Variants in CHURC1 observed in about 807,000 individuals in gnomAD.
The protein encoded by CHURC1 is protein Churchill.
Under a neutral mutation model 15.4 loss-of-function variants are expected in CHURC1, and 12 were observed. The ratio of observed to expected loss-of-function variants is 0.78; its 90% CI spans 0.50 to 1.27. The LOEUF (loss-of-function observed/expected upper bound fraction) is 1.27, where lower values mean the gene tolerates loss of function less well. Ranked by LOEUF, CHURC1 falls within the 50% of genes most tolerant of loss-of-function variation. The pLI is 0.00. For synonymous variants in CHURC1, 42 were observed against 47.5 expected, an observed-to-expected ratio of 0.88 and a Z score of 0.48; for missense variants, 132 against 137.8, an observed-to-expected ratio of 0.96 and a Z score of 0.21.
At chr14:64,915,332 C>T (rs1883801975) in intron 1 of CHURC1, among the ~76,000 whole-genome samples, 1 of 152,194 alleles carries the variant, frequency 6.6e-6, no homozygotes, top group Non-Finnish European at 1.5e-5. Context: ...TTAAAAGGCA[C>T]CTTTGGTGCT....
chr14:64,927,342 T>G (rs951021143), intron 3 of CHURC1, among the ~76,000 whole-genome samples: 3 of 152,070 alleles, frequency 2.0e-5, no homozygotes, highest in African/African-American at 7.2e-5. Flanking sequence ...AGTGAATGAG[T>G]AGTGGCCGCA....
intron 1 of CHURC1, among the ~76,000 whole-genome samples, chr14:64,916,436 T>C (rs558389326): frequency 2.0e-4 from 31 of 152,368 alleles, no homozygotes; most frequent in African/African-American, 7.5e-4. Flanking sequence ...TTATGTTTCA[T>C]GTACTTTACT....
chr14:64,924,355 A>AT (rs1187663169), intron 2 of CHURC1: 26 of 364,952 alleles, frequency 7.1e-5, no homozygotes, highest in South Asian at 3.3e-4. Context: ...CAGGAACTGA[A>AT]TTTTTTTTGT....
At chr14:64,921,260 T>G (rs1884277943) in intron 1 of CHURC1, among the ~76,000 whole-genome samples, 1 of 152,120 alleles carries the variant, frequency 6.6e-6, no homozygotes, top group South Asian at 2.1e-4. Context: ...GAAAAAAATG[T>G]AAGAAACTTT....
chr14:64,925,544 C>G (rs965786386), intron 2 of CHURC1, among the ~76,000 whole-genome samples: 1 of 151,750 alleles, frequency 6.6e-6, no homozygotes, highest in African/African-American at 2.4e-5. Flanking sequence ...TGTGTTGGCA[C>G]ATGTCTTGAG....
At chr14:64,925,296 C>T (rs996582457) in intron 2 of CHURC1, among the ~76,000 whole-genome samples, 7 of 152,186 alleles carry the variant, frequency 4.6e-5, no homozygotes, top group Non-Finnish European at 1.0e-4. Flanking sequence ...CACTTTAATG[C>T]CCAGCTTTGG....
intron 3 of CHURC1, among the ~76,000 whole-genome samples, chr14:64,928,728 T>C (rs983960470): frequency 2.6e-5 from 4 of 152,156 alleles, no homozygotes; most frequent in African/African-American, 9.7e-5. Context: ...CTAGTTTTAT[T>C]AACTATTGTT....
intron 1 of CHURC1, among the ~76,000 whole-genome samples, chr14:64,918,979 G>A (rs949157196): frequency 6.6e-6 from 1 of 152,230 alleles, no homozygotes; most frequent in Non-Finnish European, 1.5e-5. Flanking sequence ...ATATAGTACT[G>A]AATTCTTAAT....
chr14:64,928,245 T>G (rs1192151533), intron 3 of CHURC1, among the ~76,000 whole-genome samples: 3 of 152,164 alleles, frequency 2.0e-5, no homozygotes, highest in African/African-American at 7.2e-5. Context: ...CTTCTTTAGT[T>G]GAACAGGTTG....
chr14:64,932,329 A>C lies in CHURC1; in HGVS notation c.*99A>C, dbSNP rs576052949. ...TTCATTCATACTGAAAATTCTTTGCATATTTTTTTTCTGCTTAGACTTACT... is the reference window on the plus strand; with the variant it reads ...TTCATTCATACTGAAAATTCTTTGCCTATTTTTTTTCTGCTTAGACTTACT... On this transcript the variant is annotated 3_prime_UTR_variant, in exon 4 of 4. Coordinates refer to ENST00000549115, the MANE Select transcript of CHURC1 (RefSeq NM_001386928.1). 316 of 1,530,370 alleles carry C rather than the reference A, an allele frequency of 2.1e-4. 1 individual carries two copies. The African/African-American group carries it at 3.8e-3, about 19-fold the overall frequency. The allele number at this position is 1,530,370 out of a possible 1,614,324, so 94.8% of individuals were successfully genotyped here.
chr14:64,926,239 G>A (rs2147614), intron 3 of CHURC1, among the ~76,000 whole-genome samples, 159 bp downstream of exon 3: 158 of 130,436 alleles, frequency 1.2e-3, no homozygotes, highest in African/African-American at 4.5e-3. Flanking sequence ...TTGAGATGGT[G>A]TCTTGCTATG....
chr14:64,917,854 T>G (rs949760003), intron 1 of CHURC1, among the ~76,000 whole-genome samples: 2 of 152,180 alleles, frequency 1.3e-5, no homozygotes, highest in African/African-American at 2.4e-5. Flanking sequence ...ATTACAGAAA[T>G]TGGAGGCATA....
rs1262018912 is a variant in CHURC1, at chr14:64,935,126, T to C, written c.*2896T>C. 7.8e-6 allele frequency: 3 copies of C among 383,294 alleles called. No homozygotes were observed. Among genetic ancestry groups the C allele is most frequent in the African/African-American group, 2.2e-5 (1 of 45,148 alleles). 23.7% of individuals were successfully genotyped at this position (383,294 alleles called of 1,614,324 possible). A position where few individuals can be genotyped will look rare whatever the true frequency, so the allele number is the denominator to read the frequency against. On this transcript the variant is annotated 3_prime_UTR_variant, in exon 4 of 4. Transcript: ENST00000549115. ...ACATGTTCTCACTCATAGATAGGAA[T>C]TGAACAATGAGAACACATGGAGACA... is the stretch of plus-strand genomic sequence containing the variant.
chr14:64,920,326 A>G (rs947230451), intron 1 of CHURC1, among the ~76,000 whole-genome samples: 1 of 152,134 alleles, frequency 6.6e-6, no homozygotes, highest in South Asian at 2.1e-4. Context: ...TTAAGCTGTT[A>G]TGGTCTACTG....
In CHURC1 at chr14:64,932,541, C is replaced by G. The variant is rs1239546738; in HGVS notation, c.*311C>G. 6.6e-6 allele frequency: 6 copies of G among 912,646 alleles called. No homozygotes were observed. The East Asian group carries it at 2.2e-4, about 34-fold the overall frequency. 56.5% of individuals were successfully genotyped at this position (912,646 alleles called of 1,614,324 possible). A position where few individuals can be genotyped will look rare whatever the true frequency, so the allele number is the denominator to read the frequency against. On this transcript the variant is annotated 3_prime_UTR_variant, in exon 4 of 4. Transcript: ENST00000549115. ...GATTTTGGTTTCCAATAAAAGGAAC[C>G]AGGACTCCTTAGAAAATGAACTGAT...
chr14:64,934,295 C>A lies in CHURC1; in HGVS notation c.*2065C>A. 1 of 460,380 alleles carries A rather than the reference C, an allele frequency of 2.2e-6. No individual in the cohort carries two copies. Among genetic ancestry groups the A allele is most frequent in the Non-Finnish European group, 2.9e-6 (1 of 350,286 alleles). 28.5% of individuals were successfully genotyped at this position (460,380 alleles called of 1,614,324 possible). A position where few individuals can be genotyped will look rare whatever the true frequency, so the allele number is the denominator to read the frequency against. ...CCCGCGACAGGGAGGTTGTGATGAGCCAAGGTCATGCCACTGCACTCCAGC... is the reference window on the plus strand; with the variant it reads ...CCCGCGACAGGGAGGTTGTGATGAGACAAGGTCATGCCACTGCACTCCAGC... On this transcript the variant is annotated 3_prime_UTR_variant, in exon 4 of 4. Transcript: ENST00000549115.
intron 1 of CHURC1, among the ~76,000 whole-genome samples, chr14:64,922,731 CTAGAAT>C (rs1884400353): frequency 6.6e-6 from 1 of 150,900 alleles, no homozygotes; most frequent in Non-Finnish European, 1.5e-5. Context: ...ATTTCTCCCA[CTAGAAT>C]TAATGTCTTC....
In CHURC1 at chr14:64,932,438, G is replaced by T. The variant is rs148832233; in HGVS notation, c.*208G>T. 7.8e-7 allele frequency: 1 copy of T among 1,286,784 alleles called. No homozygotes were observed. Among genetic ancestry groups the T allele is most frequent in the South Asian group, 2.3e-5 (1 of 44,068 alleles). The allele number at this position is 1,286,784 out of a possible 1,614,324, so 79.7% of individuals were successfully genotyped here. A position where few individuals can be genotyped will look rare whatever the true frequency, so the allele number is the denominator to read the frequency against. On this transcript the variant is annotated 3_prime_UTR_variant, in exon 4 of 4. Transcript: ENST00000549115. Reference sequence around the variant, plus strand: ...CTGCTAAAGTTCAAAGTTCACATCAGTGTAGCCAGAGTGAAGCATCTTTGT... The same window carrying T: ...CTGCTAAAGTTCAAAGTTCACATCATTGTAGCCAGAGTGAAGCATCTTTGT...
chr14:64,934,996 T>A lies in CHURC1; in HGVS notation c.*2766T>A. 1 of 984,322 alleles carries A rather than the reference T, an allele frequency of 1.0e-6. No homozygotes were observed. The highest frequency in any genetic ancestry group is 1.2e-6 in the Non-Finnish European group (1 of 828,944). 61.0% of individuals were successfully genotyped at this position (984,322 alleles called of 1,614,324 possible). On this transcript the variant is annotated 3_prime_UTR_variant, in exon 4 of 4. Coordinates refer to ENST00000549115, the MANE Select transcript of CHURC1 (RefSeq NM_001386928.1). The stretch of plus-strand genomic sequence containing the variant: ...TAATAACGACCACTTGAACCCAGTT[T>A]CACAGAATCCTTATTTTTCTGTTCA...
Sources: gnomAD v4.1 joint callset for allele counts (sites outside exome capture counted in the v4.1 genomes callset) on GRCh38, gnomAD v4.1.1 for gene constraint, MANE v1.5 for transcripts, NCBI Gene and HGNC (gene_info 2026-07-23, HGNC 2026-07-21) for gene names.